The following IBSP variants were observed in gnomAD, a reference collection of about 807,000 sequenced individuals.
The protein encoded by IBSP is integrin-binding sialoprotein.
IBSP carries 19 observed loss-of-function variants against 25.5 expected under a neutral mutation model. The ratio of observed to expected loss-of-function variants is 0.74; its 90% CI spans 0.52 to 1.09. The LOEUF (loss-of-function observed/expected upper bound fraction) is 1.09, where lower values mean the gene tolerates loss of function less well. Ranked by LOEUF, IBSP falls within the 50% of genes least tolerant of loss-of-function variation. The probability of loss-of-function intolerance (pLI) is 0.00; values close to 1 mark genes in which losing one functional copy is unlikely to be tolerated. For synonymous variants in IBSP, 144 were observed against 137.6 expected, an observed-to-expected ratio of 1.05 and a Z score of -0.33; for missense variants, 360 against 382.3, an observed-to-expected ratio of 0.94 and a Z score of 0.49.
At position 87,802,402 on chromosome 4, in the gene IBSP, C is replaced by T. The variant is rs774318328; in HGVS notation, c.41C>T (p.Ala14Val). The part of the protein sequence containing the change: ...ALILLSILGM[A>V]CAFSMKNLHR... The stretch of plus-strand genomic sequence containing the variant: ...ATTTTGCTCAGCATTTTGGGAATGG[C>T]CTGTGCTTTCTCAGTAAGTTCTTTA... The change falls in exon 2 of 7, where the codon GCC becomes GTC. Residue 14 changes from alanine (A) to valine (V), a missense_variant. Ala to Val is a moderately conservative substitution (Grantham distance 64). Transcript: ENST00000226284. 12 of 1,610,092 alleles carry T rather than the reference C, an allele frequency of 7.5e-6. No individual in the cohort carries two copies. The highest frequency in any genetic ancestry group is 1.0e-5 in the Non-Finnish European group (12 of 1,178,526).
At chr4:87,808,275 A>G (rs779421149) in intron 5 of IBSP, among the ~76,000 whole-genome samples, 72 of 151,108 alleles carry the variant, frequency 4.8e-4, no homozygotes, top group Admixed American at 1.4e-3. Flanking sequence ...TGCACCTCCC[A>G]GGTTCACGCC....
intron 1 of IBSP, among the ~76,000 whole-genome samples, chr4:87,801,959 A>C (rs954468311): frequency 2.0e-5 from 3 of 152,204 alleles, no homozygotes; most frequent in African/African-American, 7.2e-5. Context: ...GTAAACAAAC[A>C]AACAGGGCAC....
chr4:87,811,703 A>T lies in IBSP; in HGVS notation c.747A>T (p.Pro249=), dbSNP rs1722176537. The T allele has an allele frequency of 6.2e-7, 1 of 1,613,954 alleles. No homozygotes were observed. The highest frequency in any genetic ancestry group is 8.5e-7 in the Non-Finnish European group (1 of 1,179,962). ...TPPQVYRTTS[P]PFGKTTTVEY... is the part of the protein sequence containing the mutation. ...CACAAGTCTATAGAACCACTTCCCC[A>T]CCTTTTGGGAAAACCACCACCGTTG... The change falls in exon 7 of 7, where the codon CCA becomes CCT. Residue 249 remains proline, a synonymous_variant. Coordinates refer to ENST00000226284, the MANE Select transcript of IBSP (RefSeq NM_004967.4).
chr4:87,802,559 GTAAT>G lies in IBSP; in HGVS notation c.105+7_105+10del. The G allele has an allele frequency of 1.2e-6, 2 of 1,603,676 alleles. No homozygotes were observed. Among genetic ancestry groups the G allele is most frequent in the South Asian group, 1.1e-5 (1 of 88,578 alleles). ...AATAGAGGATTCTGAAGAAAATGGGGTAATTAATTTTAGCATACTTCCTTGGCCT... is the reference window on the plus strand; with the variant it reads ...AATAGAGGATTCTGAAGAAAATGGGGTAATTTTAGCATACTTCCTTGGCCT... On this transcript the variant is annotated splice_donor_variant and splice_donor_5th_base_variant and intron_variant, in intron 3 of 6. Transcript: ENST00000226284. LOFTEE classifies it high-confidence loss of function.
chr4:87,802,779 T>G, intron 4 of IBSP, 48 bp downstream of exon 4: 1 of 1,245,648 alleles, frequency 8.0e-7, no homozygotes, highest in Non-Finnish European at 1.1e-6. Flanking sequence ...TATTATAATT[T>G]AAAGGAGATC....
At chr4:87,808,187 T>C (rs1397571669) in intron 5 of IBSP, among the ~76,000 whole-genome samples, 1 of 151,608 alleles carries the variant, frequency 6.6e-6, no homozygotes, top group Non-Finnish European at 1.5e-5. Flanking sequence ...AAATAAACTT[T>C]TTTTTTTTTT....
Position 87,811,596 on chromosome 4 carries a change from A to G in IBSP, c.640A>G (p.Thr214Ala). The change falls in exon 7 of 7, where the codon ACC (threonine) becomes GCC (alanine). Residue 214 changes from threonine to alanine, a missense_variant. Physicochemically the swap from Thr to Ala is moderately conservative, Grantham distance 58. Transcript: ENST00000226284. Reference protein sequence around the residue: ...ESVTGANAEDTTETGRQGKGT... With the variant: ...ESVTGANAEDATETGRQGKGT... ...TGTCACTGGAGCCAATGCAGAAGAC[A>G]CCACAGAGACCGGAAGGCAGGGCAA... 1 of 1,613,878 alleles carries G rather than the reference A, an allele frequency of 6.2e-7. No individual in the cohort carries two copies. The highest frequency in any genetic ancestry group is 8.5e-7 in the Non-Finnish European group (1 of 1,179,936).
intron 5 of IBSP, among the ~76,000 whole-genome samples, chr4:87,808,997 A>G (rs1488648123): frequency 1.3e-5 from 2 of 152,178 alleles, no homozygotes; most frequent in African/African-American, 2.4e-5. Flanking sequence ...CTACTGAGGC[A>G]TATATATTCA....
chr4:87,805,877 A>G (rs991337485), intron 4 of IBSP, among the ~76,000 whole-genome samples: 1 of 152,198 alleles, frequency 6.6e-6, no homozygotes, highest in Non-Finnish European at 1.5e-5. Flanking sequence ...CATCCAATTC[A>G]TATCTTGATC....
At chr4:87,808,950 G>A (rs1722130909) in intron 5 of IBSP, among the ~76,000 whole-genome samples, 1 of 152,082 alleles carries the variant, frequency 6.6e-6, no homozygotes, top group Non-Finnish European at 1.5e-5. Flanking sequence ...ATTTCTCGAG[G>A]CCATTTCACC....
Position 87,812,127 on chromosome 4 carries a change from T to C in IBSP, c.*217T>C, listed in dbSNP as rs1722188671. 1 of 437,056 alleles carries C rather than the reference T, an allele frequency of 2.3e-6. No individual in the cohort carries two copies. Among genetic ancestry groups the C allele is most frequent in the South Asian group, 7.3e-5 (1 of 13,726 alleles). 27.1% of individuals were successfully genotyped at this position (437,056 alleles called of 1,614,324 possible). ...GAATGATCATTGTAAATCAGGACCA[T>C]TTATCAAGCAGTACACCAACTCATA... On this transcript the variant is annotated 3_prime_UTR_variant, in exon 7 of 7. Transcript: ENST00000226284.
At chr4:87,802,047 T>C (rs2110055836) in intron 1 of IBSP, among the ~76,000 whole-genome samples, 1 of 152,308 alleles carries the variant, frequency 6.6e-6, no homozygotes, top group Middle Eastern at 3.4e-3. Flanking sequence ...CAGTGTGAAG[T>C]ACCCTAAGTA....
chr4:87,803,387 A>G (rs1039276732), intron 4 of IBSP, among the ~76,000 whole-genome samples: 1 of 152,204 alleles, frequency 6.6e-6, no homozygotes, highest in Admixed American at 6.5e-5. Flanking sequence ...GTAAACAAAA[A>G]GGAAAATAAC....
At chr4:87,804,024 T>A (rs1372445473) in intron 4 of IBSP, among the ~76,000 whole-genome samples, 3 of 152,186 alleles carry the variant, frequency 2.0e-5, no homozygotes, top group African/African-American at 7.2e-5. Flanking sequence ...TTAGGAGGCA[T>A]TACATTTCTC....
chr4:87,808,852 G>A (rs1722128754), intron 5 of IBSP, among the ~76,000 whole-genome samples: 1 of 152,144 alleles, frequency 6.6e-6, no homozygotes, highest in Non-Finnish European at 1.5e-5. Flanking sequence ...TTCTGTTGAT[G>A]GGCACTTAAG....
rs149962774 is a variant in IBSP, at chr4:87,812,105, T to C, written c.*195T>C. 5.2e-3 allele frequency: 2,487 copies of C among 478,310 alleles called. 10 individuals carry two copies. The highest frequency in any genetic ancestry group is 0.011 in the Middle Eastern group (20 of 1,896). 29.6% of individuals were successfully genotyped at this position (478,310 alleles called of 1,614,324 possible). A position where few individuals can be genotyped will look rare whatever the true frequency, so the allele number is the denominator to read the frequency against. On this transcript the variant is annotated 3_prime_UTR_variant, in exon 7 of 7. Coordinates refer to ENST00000226284, the MANE Select transcript of IBSP (RefSeq NM_004967.4). Reference sequence around the variant, plus strand: ...CTTTTTTTTCTGGCATGTTATGGAATGATCATTGTAAATCAGGACCATTTA... The same window carrying C: ...CTTTTTTTTCTGGCATGTTATGGAACGATCATTGTAAATCAGGACCATTTA...
rs181804727 is a variant in IBSP at position 87,800,380 on chromosome 4, G to T, written c.-15+747G>T. 5.2e-4 allele frequency among the ~76,000 whole-genome samples: 79 copies of T among 152,176 alleles called. No individual in the cohort carries two copies. The East Asian group carries it at 0.012, about 23-fold the overall frequency. ...CATCTGGTTATTTTTATTGTTATGA[G>T]AAATTTGTGTAATCAAAACTATTTC... On this transcript the variant is annotated intron_variant, in intron 1 of 6. Coordinates refer to ENST00000226284, the MANE Select transcript of IBSP (RefSeq NM_004967.4).
intron 4 of IBSP, among the ~76,000 whole-genome samples, chr4:87,804,523 G>T (rs1191025864): frequency 2.6e-5 from 4 of 152,102 alleles, no homozygotes; most frequent in Non-Finnish European, 5.9e-5. Flanking sequence ...TGATTCAAAT[G>T]ATATTTTATT....
At chr4:87,809,686 G>T (rs1434842266) in intron 5 of IBSP, among the ~76,000 whole-genome samples, 1 of 152,052 alleles carries the variant, frequency 6.6e-6, no homozygotes. Context: ...CTAAATATTT[G>T]TTTGTTTGTT....
Sources: gnomAD v4.1 joint callset for allele counts (sites outside exome capture counted in the v4.1 genomes callset) on GRCh38, gnomAD v4.1.1 for gene constraint, MANE v1.5 for transcripts, NCBI Gene and HGNC (gene_info 2026-07-23, HGNC 2026-07-21) for gene names.